The following ATP13A4 variants were observed in gnomAD, a reference collection of about 807,000 sequenced individuals.
ATP13A4 encodes the protein probable cation-transporting ATPase 13A4.
In ATP13A4, 114 loss-of-function variants were observed where a neutral mutation model predicts 142.5. The ratio of observed to expected loss-of-function variants is 0.80; its 90% confidence interval spans 0.69 to 0.93. The LOEUF is 0.93. Ranked by LOEUF, ATP13A4 falls within the 40% of genes least tolerant of loss-of-function variation. The pLI, the probability that ATP13A4 is intolerant of heterozygous loss-of-function variation, is 0.00. For synonymous variants in ATP13A4, 488 were observed against 514.8 expected (o/e 0.95, Z 0.70); for missense variants, 1,392 against 1,454.0 (o/e 0.96, Z 0.69).
intron 25 of ATP13A4, among the ~76,000 whole-genome samples, chr3:193,433,283 T>A (rs1427575139): frequency 6.6e-6 from 1 of 152,196 alleles, no homozygotes; most frequent in Non-Finnish European, 1.5e-5. Flanking sequence ...TCTCTGTACC[T>A]TCCTCTCATT....
chr3:193,505,820 T>G (rs1338073404), intron 2 of ATP13A4, among the ~76,000 whole-genome samples: 1 of 152,136 alleles, frequency 6.6e-6, no homozygotes, highest in Non-Finnish European at 1.5e-5. Flanking sequence ...GACTTCTCAG[T>G]TTTCATTTTG....
intron 7 of ATP13A4, among the ~76,000 whole-genome samples, chr3:193,487,147 T>G (rs999211758): frequency 6.6e-6 from 1 of 152,094 alleles, no homozygotes; most frequent in Non-Finnish European, 1.5e-5. Context: ...GAGTGTGTTG[T>G]CCCTGAAGCC....
At chr3:193,565,208 T>C (rs1176081410) in intron 2 of ATP13A4, among the ~76,000 whole-genome samples, 1 of 152,230 alleles carries the variant, frequency 6.6e-6, no homozygotes, top group Non-Finnish European at 1.5e-5. Context: ...TGGTTCCTTG[T>C]ACCAAATGGG....
chr3:193,493,622 A>G (rs929029166), intron 3 of ATP13A4, among the ~76,000 whole-genome samples: 1 of 152,122 alleles, frequency 6.6e-6, no homozygotes, highest in African/African-American at 2.4e-5. Context: ...GAAGACTTAT[A>G]CTCAGATGAG....
chr3:193,551,578 C>T (rs2108728872), intron 1 of ATP13A4, among the ~76,000 whole-genome samples: 1 of 152,316 alleles, frequency 6.6e-6, no homozygotes, highest in East Asian at 1.9e-4. Flanking sequence ...GAACTGTTTA[C>T]TTCTCAAAAC....
intron 3 of ATP13A4, among the ~76,000 whole-genome samples, chr3:193,495,721 C>A (rs917773310): frequency 1.3e-5 from 2 of 152,028 alleles, no homozygotes; most frequent in African/African-American, 2.4e-5. Flanking sequence ...TACGGGAAGT[C>A]CTAGCCAGAG....
At chr3:193,404,062 C>T (rs1299599767) in intron 29 of ATP13A4, 12 of 985,250 alleles carry the variant, frequency 1.2e-5, no homozygotes, top group Middle Eastern at 5.2e-4. Flanking sequence ...TCCATATAAC[C>T]GTCTCAGCCT....
chr3:193,507,582 T>A (rs1262582902), intron 2 of ATP13A4, among the ~76,000 whole-genome samples: 1 of 152,214 alleles, frequency 6.6e-6, no homozygotes, highest in Non-Finnish European at 1.5e-5. Context: ...GCAAAGGCTA[T>A]GTTTATGTTT....
intron 1 of ATP13A4, among the ~76,000 whole-genome samples, chr3:193,524,896 C>T (rs1721914679): frequency 6.6e-6 from 1 of 152,176 alleles, no homozygotes; most frequent in Admixed American, 6.5e-5. Context: ...CCTCCCTGAC[C>T]ACACAGTCTA....
At chr3:193,488,975 G>A (rs1719793445) in intron 7 of ATP13A4, among the ~76,000 whole-genome samples, 1 of 152,126 alleles carries the variant, frequency 6.6e-6, no homozygotes, top group Non-Finnish European at 1.5e-5. Context: ...GGAAGGAGGG[G>A]GCTGCGGAGA....
At chr3:193,541,181 G>A (rs1410910668) in intron 1 of ATP13A4, among the ~76,000 whole-genome samples, 10 of 148,564 alleles carry the variant, frequency 6.7e-5, no homozygotes, top group East Asian at 2.0e-4. Context: ...CCCGGGAGGC[G>A]GAGCTTGCAG....
intron 2 of ATP13A4, among the ~76,000 whole-genome samples, chr3:193,503,240 A>T (rs937807964): frequency 2.0e-5 from 3 of 152,204 alleles, no homozygotes; most frequent in Non-Finnish European, 2.9e-5. Context: ...GAATCCATGG[A>T]CTGAACCTGC....
chr3:193,412,693 G>A (rs1395994123), intron 26 of ATP13A4, among the ~76,000 whole-genome samples: 1 of 152,100 alleles, frequency 6.6e-6, no homozygotes, highest in East Asian at 1.9e-4. Flanking sequence ...GGCTATATGG[G>A]AAAGAGATTG....
chr3:193,476,724 T>C (rs970310934), intron 8 of ATP13A4, among the ~76,000 whole-genome samples: 2 of 152,000 alleles, frequency 1.3e-5, no homozygotes, highest in African/African-American at 4.8e-5. Flanking sequence ...GGGTTATTTA[T>C]TGATCTAATT....
Position 193,402,257 on chromosome 3 carries a change from A to T in ATP13A4, c.*395T>A, listed in dbSNP as rs1714289773. ...TTAGTTTTTCCATCGATGAAGTAAAAATTCAAAAATTACAACTCCGTGAGT... is the reference window on the plus strand; with the variant it reads ...TTAGTTTTTCCATCGATGAAGTAAATATTCAAAAATTACAACTCCGTGAGT... On this transcript the variant is annotated 3_prime_UTR_variant, in exon 30 of 30. Transcript: ENST00000342695. The T allele has an allele frequency of 5.8e-6, 1 of 171,368 alleles. No homozygotes were observed. The highest frequency in any genetic ancestry group is 5.6e-5 in the Admixed American group (1 of 17,752). 10.6% of individuals were successfully genotyped at this position (171,368 alleles called of 1,614,324 possible). A position where few individuals can be genotyped will look rare whatever the true frequency, so the allele number is the denominator to read the frequency against.
At chr3:193,507,211 A>G (rs1720905553) in intron 2 of ATP13A4, among the ~76,000 whole-genome samples, 1 of 152,200 alleles carries the variant, frequency 6.6e-6, no homozygotes, top group African/African-American at 2.4e-5. Flanking sequence ...ACTCTAGCTC[A>G]TGTGAAATAC....
intron 16 of ATP13A4, 86 bp from the exon 17 acceptor site, chr3:193,454,298 T>C: frequency 9.7e-7 from 1 of 1,025,736 alleles, no homozygotes; most frequent in Non-Finnish European, 1.5e-6. Context: ...ATCCAACTTT[T>C]GCCCAAGAAA....
intron 23 of ATP13A4, among the ~76,000 whole-genome samples, chr3:193,437,887 A>C (rs1036094471): frequency 2.2e-5 from 3 of 136,484 alleles, no homozygotes; most frequent in Non-Finnish European, 3.0e-5. Context: ...GCTGGAGTGC[A>C]GTGGCACAAT....
intron 2 of ATP13A4, among the ~76,000 whole-genome samples, chr3:193,504,349 T>C (rs373704571): frequency 3.3e-5 from 5 of 152,340 alleles, no homozygotes; most frequent in East Asian, 3.9e-4. Flanking sequence ...TTCAGCATTA[T>C]ATAGCTTTGC....
Sources: allele counts gnomAD v4.1 joint callset (sites outside exome capture counted in the v4.1 genomes callset), GRCh38; gene constraint gnomAD v4.1.1; transcripts MANE v1.5; gene names NCBI Gene and HGNC (gene_info 2026-07-23, HGNC 2026-07-21).